The following TAF4B variants were observed in gnomAD, a reference collection of about 807,000 sequenced individuals.
TAF4B encodes transcription initiation factor TFIID subunit 4B.
In TAF4B, 38 loss-of-function variants were observed where a neutral mutation model predicts 86.4. That is an observed-to-expected ratio of 0.44 (90% CI 0.34 to 0.58). The LOEUF (loss-of-function observed/expected upper bound fraction) is 0.58. Ranked by LOEUF, TAF4B falls within the 20% of genes least tolerant of loss-of-function variation. TAF4B has a pLI of 0.02. For missense variants in TAF4B, 988 were observed against 1,027.6 expected, an observed-to-expected ratio of 0.96 and a Z score of 0.53; for synonymous variants, 388 against 391.2, an observed-to-expected ratio of 0.99 and a Z score of 0.10.
rs528189388 is a variant in TAF4B at position 26,291,186 on chromosome 18, A to G, written c.1591-1060A>G. ...TTTGGCAAGACCATGGCACATTTAT[A>G]TTTGCCATATATGAGTGAAAGTTCA... On this transcript the variant is annotated intron_variant, in intron 7 of 14. Transcript: ENST00000269142. 3.9e-5 allele frequency among the ~76,000 whole-genome samples: 6 copies of G among 152,278 alleles called. No homozygotes were observed. In the East Asian group the frequency reaches 1.2e-3, roughly 29 times the overall value.
chr18:26,316,408 A>T (rs1340058818), intron 10 of TAF4B, among the ~76,000 whole-genome samples: 2 of 151,250 alleles, frequency 1.3e-5, no homozygotes, highest in African/African-American at 4.9e-5. Flanking sequence ...TTTCCTCAAG[A>T]TGGAGGGAGC....
intron 14 of TAF4B, among the ~76,000 whole-genome samples, chr18:26,375,602 T>C (rs2057437246): frequency 1.3e-5 from 2 of 152,188 alleles, no homozygotes; most frequent in Admixed American, 6.5e-5. Context: ...GCCATTGTAA[T>C]GTGTGTAGAA....
chr18:26,276,812 A>C (rs1185656457), intron 5 of TAF4B, among the ~76,000 whole-genome samples: 1 of 152,212 alleles, frequency 6.6e-6, no homozygotes, highest in Non-Finnish European at 1.5e-5. Flanking sequence ...CTAGATGAAG[A>C]GACCTGTTGG....
intron 13 of TAF4B, among the ~76,000 whole-genome samples, chr18:26,337,205 C>G (rs1224535010): frequency 6.6e-6 from 1 of 152,080 alleles, no homozygotes; most frequent in Admixed American, 6.6e-5. Context: ...AAAAATGAAT[C>G]AAATACATTG....
At position 26,311,360 on chromosome 18, in the gene TAF4B, C is replaced by T. The variant is rs139214921; in HGVS notation, c.1833-3869C>T. ...ATAAGAAAAAAGCAAAGGGGCTGGG[C>T]GTGGTGGCTCACACCTGTAATCCCA... is the stretch of plus-strand genomic sequence containing the variant. On this transcript the variant is annotated intron_variant, in intron 9 of 14. Coordinates refer to ENST00000269142, the MANE Select transcript of TAF4B (RefSeq NM_005640.3). Among the ~76,000 whole-genome samples the T allele has an allele frequency of 9.9e-3, 1,501 of 152,162 alleles. 12 individuals are homozygous for T. Among genetic ancestry groups the T allele is most frequent in the African/African-American group, 0.034 (1,396 of 41,506 alleles).
At chr18:26,385,157 G>A (rs1452206243) in intron 14 of TAF4B, among the ~76,000 whole-genome samples, 1 of 152,166 alleles carries the variant, frequency 6.6e-6, no homozygotes, top group Admixed American at 6.5e-5. Flanking sequence ...TTAAGGAAAT[G>A]TGGAAAAAGA....
chr18:26,325,955 C>T (rs2057000070), intron 11 of TAF4B, among the ~76,000 whole-genome samples: 1 of 152,018 alleles, frequency 6.6e-6, no homozygotes, highest in Non-Finnish European at 1.5e-5. Flanking sequence ...CATATGAAAT[C>T]CCTCAGTCAC....
chr18:26,231,034 C>CTT (rs536863843), intron 1 of TAF4B, among the ~76,000 whole-genome samples: 1,166 of 66,106 alleles, frequency 0.018, 29 homozygotes, highest in Non-Finnish European at 0.021. Flanking sequence ...TGTTGTTTTG[C>CTT]TTTTTTTTTT....
intron 11 of TAF4B, among the ~76,000 whole-genome samples, chr18:26,321,696 T>G (rs1223261856): frequency 1.3e-5 from 2 of 152,172 alleles, no homozygotes; most frequent in African/African-American, 4.8e-5. Context: ...AGTTAACATT[T>G]TCATTATCTC....
intron 1 of TAF4B, among the ~76,000 whole-genome samples, chr18:26,232,477 A>C (rs1258079732): frequency 6.6e-6 from 1 of 152,182 alleles, no homozygotes; most frequent in African/African-American, 2.4e-5. Context: ...GAAGGAAACA[A>C]ATTTGACAAG....
At chr18:26,356,987 C>T (rs537274893) in intron 13 of TAF4B, among the ~76,000 whole-genome samples, 1 of 152,130 alleles carries the variant, frequency 6.6e-6, no homozygotes, top group African/African-American at 2.4e-5. Flanking sequence ...CAAAACAGTA[C>T]TAAATCACTT....
intron 1 of TAF4B, among the ~76,000 whole-genome samples, chr18:26,246,812 C>G (rs1237347272): frequency 6.6e-6 from 1 of 151,666 alleles, no homozygotes; most frequent in Admixed American, 6.6e-5. Flanking sequence ...GCATTACAGG[C>G]GTGAGCCACC....
chr18:26,345,660 T>C (rs770026795), intron 13 of TAF4B, among the ~76,000 whole-genome samples: 2 of 152,236 alleles, frequency 1.3e-5, no homozygotes, highest in Non-Finnish European at 2.9e-5. Flanking sequence ...CCCCAACACC[T>C]GTTCATATGA....
chr18:26,248,958 C>T (rs2055962646), intron 1 of TAF4B, among the ~76,000 whole-genome samples: 2 of 150,144 alleles, frequency 1.3e-5, no homozygotes, highest in African/African-American at 2.4e-5. Flanking sequence ...TGGATCATGA[C>T]GTCAGGAGAT....
intron 3 of TAF4B, among the ~76,000 whole-genome samples, chr18:26,269,891 CT>C (rs2144552506): frequency 6.6e-6 from 1 of 152,222 alleles, no homozygotes; most frequent in African/African-American, 2.4e-5. Context: ...TCAAAACCTA[CT>C]GTATTTTTTT....
chr18:26,372,960 CA>C (rs55712756), intron 14 of TAF4B, among the ~76,000 whole-genome samples: 84 of 138,522 alleles, frequency 6.1e-4, no homozygotes, highest in Admixed American at 7.8e-4. Flanking sequence ...GACTCTGTCT[CA>C]AAAAAAAAAA....
At chr18:26,366,935 A>C (rs1010169599) in intron 14 of TAF4B, among the ~76,000 whole-genome samples, 7 of 152,244 alleles carry the variant, frequency 4.6e-5, no homozygotes, top group African/African-American at 1.4e-4. Context: ...CTGTAAGATC[A>C]TACTATTGTT....
At chr18:26,315,095 A>ACTCTCTCC in intron 9 of TAF4B, 134 bp from the exon 10 acceptor site, 1 of 218,604 alleles carries the variant, frequency 4.6e-6, no homozygotes, top group Non-Finnish European at 6.9e-6. Context: ...GCTCTCTGAA[A>ACTCTCTCC]CTCTCTCTCT....
intron 13 of TAF4B, among the ~76,000 whole-genome samples, chr18:26,356,892 C>T (rs1478389168): frequency 1.3e-5 from 2 of 150,654 alleles, no homozygotes; most frequent in East Asian, 3.9e-4. Context: ...TTCATGCATA[C>T]CCCTGTATAG....
Sources: gnomAD v4.1 joint callset for allele counts (sites outside exome capture counted in the v4.1 genomes callset) on GRCh38, gnomAD v4.1.1 for gene constraint, MANE v1.5 for transcripts, NCBI Gene and HGNC (gene_info 2026-07-23, HGNC 2026-07-21) for gene names.